CALN1: variants seen among roughly 807,000 people sequenced by gnomAD.
CALN1 encodes calcium-binding protein 8.
A neutral mutation model predicts 30.6 loss-of-function variants in CALN1; 17 were observed. The observed-to-expected ratio is 0.56, with a 90% CI of 0.38 to 0.83. The LOEUF is 0.83. Ranked by LOEUF, CALN1 falls within the 40% of genes least tolerant of loss-of-function variation. CALN1 has a pLI of 0.00. For synonymous variants in CALN1, 156 were observed against 131.4 expected (o/e 1.19, Z -1.28); for missense variants, 291 against 354.9 (o/e 0.82, Z 1.45).
chr7:72,151,167 G>C (rs1051349120), intron 3 of CALN1, among the ~76,000 whole-genome samples: 31 of 152,166 alleles, frequency 2.0e-4, no homozygotes, highest in African/African-American at 7.5e-4. Context: ...CACTGTTCTG[G>C]GGGCTAGAAT....
At chr7:71,978,492 T>C (rs1312833864) in intron 5 of CALN1, among the ~76,000 whole-genome samples, 1 of 151,960 alleles carries the variant, frequency 6.6e-6, no homozygotes, top group Non-Finnish European at 1.5e-5. Context: ...GCCAGGATGG[T>C]CTTGATCTCC....
At chr7:71,991,016 C>T (rs1351477707) in intron 5 of CALN1, among the ~76,000 whole-genome samples, 2 of 147,822 alleles carry the variant, frequency 1.4e-5, no homozygotes, top group Non-Finnish European at 3.0e-5. Flanking sequence ...CAGAATGTCT[C>T]TGAATTCAGA....
intron 5 of CALN1, among the ~76,000 whole-genome samples, chr7:71,842,783 A>G (rs911596770): frequency 4.6e-5 from 7 of 152,138 alleles, no homozygotes; most frequent in African/African-American, 1.4e-4. Flanking sequence ...AATTATTCCC[A>G]AAAGCTTACA....
At chr7:72,170,758 C>G (rs948310342) in intron 3 of CALN1, among the ~76,000 whole-genome samples, 27 of 152,068 alleles carry the variant, frequency 1.8e-4, no homozygotes, top group Admixed American at 1.4e-3. Context: ...AGAGAGAGAC[C>G]AGTTATTTGG....
intron 3 of CALN1, among the ~76,000 whole-genome samples, chr7:72,180,295 AC>A (rs1562697694): frequency 6.6e-6 from 1 of 152,148 alleles, no homozygotes; most frequent in Non-Finnish European, 1.5e-5. Context: ...TTGGGACCCC[AC>A]CCTACCTAGA....
chr7:71,857,457 C>T (rs569410375), intron 5 of CALN1, among the ~76,000 whole-genome samples: 30 of 152,146 alleles, frequency 2.0e-4, no homozygotes, highest in Non-Finnish European at 3.8e-4. Context: ...GGGCTCTCAC[C>T]CATTCTGGCT....
At chr7:72,020,936 ATTCTCCTTAG>A (rs1448932629) in intron 5 of CALN1, among the ~76,000 whole-genome samples, 3 of 152,110 alleles carry the variant, frequency 2.0e-5, no homozygotes, top group Admixed American at 1.3e-4. Flanking sequence ...GCCTTGGAAC[ATTCTCCTTAG>A]TTGGCCCTAA....
intron 3 of CALN1, among the ~76,000 whole-genome samples, chr7:72,262,537 T>C (rs534776599): frequency 2.0e-5 from 3 of 152,326 alleles, no homozygotes; most frequent in African/African-American, 2.4e-5. Context: ...TCAGTGTCTA[T>C]TGTTTCCATT....
At chr7:72,416,753 A>C (rs1429811461), upstream of CALN1, among the ~76,000 whole-genome samples, 10 of 150,796 alleles carry the variant, frequency 6.6e-5, no homozygotes, top group African/African-American at 2.2e-4. Flanking sequence ...AAAAAAAAAA[A>C]AAAAAAAACA....
At chr7:72,374,417 T>TATGA (rs1214985594) in intron 2 of CALN1, among the ~76,000 whole-genome samples, 6 of 151,012 alleles carry the variant, frequency 4.0e-5, no homozygotes, top group Non-Finnish European at 5.9e-5. Context: ...TAATCTCAGC[T>TATGA]ATTCAGGAGG....
chr7:72,177,769 A>C (rs1585098999), intron 3 of CALN1, among the ~76,000 whole-genome samples: 1 of 151,442 alleles, frequency 6.6e-6, no homozygotes, highest in East Asian at 1.9e-4. Flanking sequence ...AAAAAAAAAA[A>C]AGGACATTTG....
At chr7:72,346,372 A>C (rs893849315) in intron 2 of CALN1, among the ~76,000 whole-genome samples, 1 of 152,092 alleles carries the variant, frequency 6.6e-6, no homozygotes, top group African/African-American at 2.4e-5. Context: ...TTAAAAAAAT[A>C]TTTATTTTCT....
chr7:72,319,593 T>C (rs10237700), intron 2 of CALN1, among the ~76,000 whole-genome samples: 29,884 of 152,136 alleles, frequency 0.2, 3,842 homozygotes, highest in East Asian at 0.41. Flanking sequence ...TGAAAAAGAA[T>C]GCAGTAGCAC....
chr7:71,965,806 C>A (rs1797502075), intron 5 of CALN1, among the ~76,000 whole-genome samples: 1 of 152,014 alleles, frequency 6.6e-6, no homozygotes, highest in Admixed American at 6.6e-5. Flanking sequence ...AAAAAGATGC[C>A]CCAGTATCAC....
At chr7:72,352,560 T>C (rs1427079060) in intron 2 of CALN1, among the ~76,000 whole-genome samples, 7 of 152,104 alleles carry the variant, frequency 4.6e-5, no homozygotes, top group Admixed American at 4.6e-4. Context: ...TGTCAAAGAA[T>C]AATCACAAAG....
Position 72,048,417 on chromosome 7 carries a change from C to T in CALN1, c.389-24648G>A, listed in dbSNP as rs151164993. Among the ~76,000 whole-genome samples the T allele has an allele frequency of 3.3e-3, 497 of 152,150 alleles. 1 individual carries two copies. Among genetic ancestry groups the T allele is most frequent in the Admixed American group, 5.6e-3 (85 of 15,288 alleles). On this transcript the variant is annotated intron_variant, in intron 4 of 6. Transcript: ENST00000395275. The stretch of plus-strand genomic sequence containing the variant: ...GGGCCGCCATGTGTGAGTAGAGCAG[C>T]ACCTGCATGTGACATGATAAAGAAA...
chr7:72,112,045 C>T (rs1286012980), intron 3 of CALN1, among the ~76,000 whole-genome samples: 1 of 152,150 alleles, frequency 6.6e-6, no homozygotes, highest in Non-Finnish European at 1.5e-5. Flanking sequence ...GCCACCGTGC[C>T]AGGCTCTCTT....
intron 5 of CALN1, among the ~76,000 whole-genome samples, chr7:71,873,064 C>T (rs141484683): frequency 0.014 from 1,935 of 137,246 alleles, 24 homozygotes; most frequent in South Asian, 0.021. Context: ...AGTGCAGTGG[C>T]GCGATCTTGG....
At chr7:72,494,869 A>AAAAAAT in the CALN1 span, among the ~76,000 whole-genome samples, 4 of 150,846 alleles carry the variant, frequency 2.7e-5, no homozygotes, top group Non-Finnish European at 4.4e-5. Flanking sequence ...CCTGTCTCAA[A>AAAAAAT]AATAATAATA....
Sources: gnomAD v4.1 joint callset for allele counts (sites outside exome capture counted in the v4.1 genomes callset) on GRCh38, gnomAD v4.1.1 for gene constraint, MANE v1.5 for transcripts, NCBI Gene and HGNC (gene_info 2026-07-23, HGNC 2026-07-21) for gene names.